SLC24A2: variants seen among roughly 807,000 people sequenced by gnomAD.
SLC24A2 encodes the protein solute carrier family 24 member 2.
In SLC24A2, 36 loss-of-function variants were observed where a neutral mutation model predicts 62.0. The ratio of observed to expected loss-of-function variants is 0.58; its 90% confidence interval spans 0.44 to 0.77. SLC24A2 has a LOEUF of 0.77. Ranked by LOEUF, SLC24A2 falls within the 30% of genes least tolerant of loss-of-function variation. The pLI is 0.00. For missense variants in SLC24A2, 846 were observed against 817.9 expected (o/e 1.03, Z -0.42); for synonymous variants, 358 against 294.0 (o/e 1.22, Z -2.23).
intron 8 of SLC24A2, among the ~76,000 whole-genome samples, chr9:19,531,959 T>C (rs554534270): frequency 1.3e-5 from 2 of 152,212 alleles, no homozygotes; most frequent in Non-Finnish European, 1.5e-5. Flanking sequence ...AATATAGTCA[T>C]GCCCTTGTAT....
chr9:19,745,027 C>G (rs1821791508), intron 2 of SLC24A2, among the ~76,000 whole-genome samples: 1 of 152,180 alleles, frequency 6.6e-6, no homozygotes, highest in African/African-American at 2.4e-5. Context: ...TGGAGGGGAT[C>G]CTAGTGGGAG....
At chr9:19,898,693 G>C in the SLC24A2 span, among the ~76,000 whole-genome samples, 1 of 141,114 alleles carries the variant, frequency 7.1e-6, no homozygotes, top group Non-Finnish European at 1.5e-5. Context: ...CGTGAGCTGA[G>C]ATCGTGCCAC....
At chr9:19,914,551 C>A in the SLC24A2 span, among the ~76,000 whole-genome samples, 3 of 151,848 alleles carry the variant, frequency 2.0e-5, no homozygotes, top group Non-Finnish European at 2.9e-5. Context: ...CTTGGCCTGG[C>A]AAAGTCATCT....
chr9:19,874,096 T>C, the SLC24A2 span, among the ~76,000 whole-genome samples: 1 of 108,122 alleles, frequency 9.2e-6, no homozygotes, highest in Admixed American at 1.1e-4. Flanking sequence ...TTTTTTTTTT[T>C]TGAGACAGAG....
In SLC24A2 at chr9:19,546,832, C is replaced by G. The variant is rs144064179; in HGVS notation, c.1479+3305G>C. On this transcript the variant is annotated intron_variant, in intron 8 of 10. Coordinates refer to ENST00000341998, the MANE Select transcript of SLC24A2 (RefSeq NM_020344.4). ...TGAAACCCAGGACACTGGAGGGTAT[C>G]TTCTGGTCTGTGGGTTGCAAAGACT... Among the ~76,000 whole-genome samples the G allele has an allele frequency of 7.2e-5, 11 of 152,258 alleles. No individual in the cohort carries two copies. The East Asian group carries it at 2.1e-3, about 29-fold the overall frequency.
At chr9:19,679,167 T>C (rs1047753419) in intron 2 of SLC24A2, among the ~76,000 whole-genome samples, 8 of 152,180 alleles carry the variant, frequency 5.3e-5, no homozygotes, top group Non-Finnish European at 1.0e-4. Context: ...GGCAGGTTTT[T>C]ACAAGTTACA....
chr9:20,050,885 C>G, the SLC24A2 span, among the ~76,000 whole-genome samples: 3 of 151,368 alleles, frequency 2.0e-5, no homozygotes, highest in South Asian at 6.3e-4. Flanking sequence ...ACAACCTGAA[C>G]TAAAAAATAA....
intron 8 of SLC24A2, among the ~76,000 whole-genome samples, chr9:19,535,326 C>T (rs201926101): frequency 2.6e-4 from 40 of 152,086 alleles, no homozygotes; most frequent in Non-Finnish European, 1.9e-4. Flanking sequence ...AATGGTAGTT[C>T]CTTTTGCTGT....
At position 19,573,444 on chromosome 9, in the gene SLC24A2, G is replaced by A. The variant is rs369749830; in HGVS notation, c.1254C>T (p.Thr418=). Reference sequence around the variant, plus strand: ...ATGGTGTCATTTCAACATCTGTGCTGGTGCTGTTTGGAAGCTCAATTTTTT... The same window carrying A: ...ATGGTGTCATTTCAACATCTGTGCTAGTGCTGTTTGGAAGCTCAATTTTTT... ...HVEKIELPNS[T]STDVEMTPSS... The change falls in exon 7 of 11, where the codon ACC becomes ACT. Residue 418 remains threonine (T), a synonymous_variant. Coordinates refer to ENST00000341998, the MANE Select transcript of SLC24A2 (RefSeq NM_020344.4). The A allele has an allele frequency of 1.7e-5, 28 of 1,610,256 alleles. No individual in the cohort carries two copies. In the African/African-American group the frequency reaches 3.8e-4, roughly 22 times the overall value.
chr9:19,951,922 G>C, the SLC24A2 span, among the ~76,000 whole-genome samples: 1 of 152,034 alleles, frequency 6.6e-6, no homozygotes, highest in Non-Finnish European at 1.5e-5. Flanking sequence ...ATCAATTTAA[G>C]GAGAACTGAC....
chr9:19,808,985 A>G, the SLC24A2 span, among the ~76,000 whole-genome samples: 16 of 152,240 alleles, frequency 1.1e-4, no homozygotes, highest in Non-Finnish European at 5.9e-5. This position sits in a 1 kb window ranked among gnomAD's most constrained non-coding sequence, Gnocchi z 4.1. Flanking sequence ...AGACTTACTG[A>G]GGATGGGCCC....
At chr9:20,090,639 G>C in the SLC24A2 span, among the ~76,000 whole-genome samples, 1 of 151,910 alleles carries the variant, frequency 6.6e-6, no homozygotes, top group African/African-American at 2.4e-5. Context: ...CAAAGACAAG[G>C]GAGCTACAAA....
intron 2 of SLC24A2, among the ~76,000 whole-genome samples, chr9:19,623,806 A>G (rs954293292): frequency 9.8e-5 from 15 of 152,290 alleles, no homozygotes; most frequent in South Asian, 2.1e-4. Flanking sequence ...TCTGGTTCCA[A>G]GCATTTTTAT....
At chr9:20,051,771 G>A in the SLC24A2 span, among the ~76,000 whole-genome samples, 1 of 147,666 alleles carries the variant, frequency 6.8e-6, no homozygotes, top group Non-Finnish European at 1.5e-5. Context: ...GCTCCTTGGT[G>A]AGCTGTTAAT....
At chr9:19,825,676 T>A in the SLC24A2 span, among the ~76,000 whole-genome samples, 1 of 152,182 alleles carries the variant, frequency 6.6e-6, no homozygotes, top group African/African-American at 2.4e-5. Context: ...AATAGCCCAG[T>A]TGCAGTCTTA....
At chr9:19,791,292 C>G (rs1400151685), upstream of SLC24A2, among the ~76,000 whole-genome samples, 1 of 151,834 alleles carries the variant, frequency 6.6e-6, no homozygotes, top group African/African-American at 2.4e-5. Flanking sequence ...GGCCTCCTTG[C>G]TAGGCTTTGT....
At chr9:19,722,986 T>G (rs964031742) in intron 2 of SLC24A2, among the ~76,000 whole-genome samples, 5 of 152,122 alleles carry the variant, frequency 3.3e-5, no homozygotes, top group African/African-American at 1.2e-4. Context: ...ATGAAATTCT[T>G]TCTGCACTGC....
At chr9:20,197,729 A>G in the SLC24A2 span, among the ~76,000 whole-genome samples, 3 of 152,080 alleles carry the variant, frequency 2.0e-5, no homozygotes, top group Non-Finnish European at 4.4e-5. Flanking sequence ...GAGCCAGGCC[A>G]TAATTGGGGT....
intron 2 of SLC24A2, among the ~76,000 whole-genome samples, chr9:19,778,404 C>A (rs961037911): frequency 2.0e-5 from 3 of 152,018 alleles, no homozygotes; most frequent in African/African-American, 7.3e-5. Flanking sequence ...GTTCAGAGAA[C>A]TTCTCTATCT....
Sources: allele counts gnomAD v4.1 joint callset (sites outside exome capture counted in the v4.1 genomes callset), GRCh38; gene constraint gnomAD v4.1.1; non-coding constraint Gnocchi (gnomAD v3.1); transcripts MANE v1.5; gene names NCBI Gene and HGNC (gene_info 2026-07-23, HGNC 2026-07-21).